Variants in MLLT1 observed in about 807,000 individuals in gnomAD.
The protein encoded by MLLT1 is MLLT1 super elongation complex subunit, also known as protein ENL.
MLLT1 carries 11 observed loss-of-function variants against 55.1 expected under a neutral mutation model. That is an observed-to-expected ratio of 0.20 (90% CI 0.13 to 0.33). MLLT1 has a LOEUF of 0.33. MLLT1 is among the 10% of genes least tolerant of loss of function. MLLT1 has a pLI of 1.00. For missense variants in MLLT1, 536 were observed against 760.6 expected (o/e 0.70, Z 3.47); for synonymous variants, 323 against 320.1 (o/e 1.01, Z -0.10).
chr19:6,223,369 G>C (rs1020475592), intron 5 of MLLT1, among the ~76,000 whole-genome samples: 2 of 152,214 alleles, frequency 1.3e-5, no homozygotes, highest in African/African-American at 4.8e-5. Context: ...AAAACACCGA[G>C]GACATTCCTA....
Position 6,227,240 on chromosome 19 carries a change from G to T in MLLT1, c.421-138C>A. 1 of 873,212 alleles carries T rather than the reference G, an allele frequency of 1.1e-6. No individual in the cohort carries two copies. The highest frequency in any genetic ancestry group is 1.9e-5 in the South Asian group (1 of 51,734). The allele number at this position is 873,212 out of a possible 1,614,324, so 54.1% of individuals were successfully genotyped here. A position where few individuals can be genotyped will look rare whatever the true frequency, so the allele number is the denominator to read the frequency against. On this transcript the variant is annotated intron_variant, in intron 4 of 11. Coordinates refer to ENST00000252674, the MANE Select transcript of MLLT1 (RefSeq NM_005934.4). This position sits in a 1 kb window ranked among gnomAD's most constrained non-coding sequence, Gnocchi z 5.1. ...GAGCGCTTTCCCGAAAGAATCCCAG[G>T]TGCTTCCCTGCTGGGGACTGGGTGC...
At chr19:6,265,049 C>CAAA (rs2091336941) in intron 2 of MLLT1, among the ~76,000 whole-genome samples, 1 of 23,302 alleles carries the variant, frequency 4.3e-5, no homozygotes, top group Non-Finnish European at 1.2e-4. Context: ...AAAAAAAAAA[C>CAAA]AAAAAAACAA....
intron 2 of MLLT1, among the ~76,000 whole-genome samples, chr19:6,268,987 G>A (rs1039595977): frequency 2.8e-4 from 42 of 152,334 alleles, no homozygotes; most frequent in Admixed American, 1.1e-3. Context: ...ATCAGCGTCC[G>A]GGGCCCATCC....
chr19:6,263,748 T>C (rs2091324180), intron 2 of MLLT1, among the ~76,000 whole-genome samples: 1 of 152,058 alleles, frequency 6.6e-6, no homozygotes, highest in East Asian at 1.9e-4. Context: ...CCTGCCAGTT[T>C]CTGAAAGGCA....
rs886621819 is a variant in MLLT1, at chr19:6,227,560, C to A, written c.421-458G>T. Among the ~76,000 whole-genome samples, 1 of 152,354 alleles carries A rather than the reference C, an allele frequency of 6.6e-6. No homozygotes were observed. The highest frequency in any genetic ancestry group is 2.1e-4 in the South Asian group (1 of 4,830). ...ATGGGTGCAACTCCAGTGGGTCCCA[C>A]GTGCCCGGAGAATGAGCCGTCCTTG... On this transcript the variant is annotated intron_variant, in intron 4 of 11. Transcript: ENST00000252674. The surrounding 1 kb of genome is among the most constrained non-coding windows in gnomAD (Gnocchi z 5.1).
rs953906328 is a variant in MLLT1 at position 6,219,890 on chromosome 19, G to A, written c.1111-1849C>T. Among the ~76,000 whole-genome samples, 4 of 152,224 alleles carry A rather than the reference G, an allele frequency of 2.6e-5. No individual in the cohort carries two copies. The highest frequency in any genetic ancestry group is 5.9e-5 in the Non-Finnish European group (4 of 68,036). On this transcript the variant is annotated intron_variant, in intron 6 of 11. Transcript: ENST00000252674. The surrounding 1 kb of genome is among the most constrained non-coding windows in gnomAD (Gnocchi z 4.5). ...AGGCACACGCATCCCCTTTCCTTCC[G>A]CCCAAATCCAAGGGGCAGGGAGGAA...
Position 6,218,045 on chromosome 19 carries a change from C to T in MLLT1, c.1111-4G>A, listed in dbSNP as rs2090862569. On this transcript the variant is annotated splice_polypyrimidine_tract_variant and splice_region_variant and intron_variant, in intron 6 of 11. Transcript: ENST00000252674. The stretch of plus-strand genomic sequence containing the variant: ...TGGACGGGCTTGACTGGGCAGACTT[C>T]ACCCAATGGTGGGATGGGCAGGGAG... 3.1e-6 allele frequency: 5 copies of T among 1,606,762 alleles called. No individual in the cohort carries two copies. Among genetic ancestry groups the T allele is most frequent in the Middle Eastern group, 1.7e-4 (1 of 6,034 alleles).
chr19:6,223,391 C>T (rs1001014816), intron 5 of MLLT1, among the ~76,000 whole-genome samples: 2 of 152,186 alleles, frequency 1.3e-5, no homozygotes, highest in Non-Finnish European at 2.9e-5. Context: ...GTCTCTGCCT[C>T]GGAAACCCCG....
intron 6 of MLLT1, 47 bp from the exon 7 acceptor site, chr19:6,218,088 G>A (rs768653927): frequency 6.4e-7 from 1 of 1,557,728 alleles, no homozygotes; most frequent in Non-Finnish European, 8.7e-7. Context: ...AGGGAGAGCT[G>A]TCACCTTTCA....
chr19:6,261,725 C>G (rs886657053), intron 3 of MLLT1, among the ~76,000 whole-genome samples: 1 of 152,038 alleles, frequency 6.6e-6, no homozygotes, highest in African/African-American at 2.4e-5. Flanking sequence ...AGATGACCCG[C>G]GCCAACATTC....
chr19:6,248,518 T>C (rs1410036215), intron 3 of MLLT1, among the ~76,000 whole-genome samples: 1 of 152,182 alleles, frequency 6.6e-6, no homozygotes, highest in East Asian at 1.9e-4. Context: ...CCTAATATGA[T>C]GGAAGAGGAA....
In MLLT1 at chr19:6,224,717, TTTTG is replaced by T. The variant is rs558230531; in HGVS notation, c.547-2037_547-2034del. On this transcript the variant is annotated intron_variant, in intron 5 of 11. Coordinates refer to ENST00000252674, the MANE Select transcript of MLLT1 (RefSeq NM_005934.4). ...GTTCTGAAATTAGGCACTACGATTT[TTTTG>T]TTTGTTTGTTTGTTTGCTTTTGTTT... Among the ~76,000 whole-genome samples the T allele has an allele frequency of 4.9e-3, 745 of 152,264 alleles. 2 individuals are homozygous for T. The highest frequency in any genetic ancestry group is 0.012 in the South Asian group (56 of 4,816).
intron 1 of MLLT1, among the ~76,000 whole-genome samples, chr19:6,276,803 A>G (rs2091430438): frequency 6.6e-6 from 1 of 152,202 alleles, no homozygotes; most frequent in South Asian, 2.1e-4. Flanking sequence ...CGGAGGGGGA[A>G]TCAAACATGC....
Position 6,230,660 on chromosome 19 carries a change from G to A in MLLT1, c.330C>T (p.Gly110=). The A allele has an allele frequency of 1.2e-6, 2 of 1,614,122 alleles. No homozygotes were observed. The highest frequency in any genetic ancestry group is 1.7e-6 in the Non-Finnish European group (2 of 1,180,038). The change falls in exon 4 of 12, where the codon GGC becomes GGT. Residue 110 remains glycine, a synonymous_variant. Transcript: ENST00000252674. The surrounding 1 kb of genome is among the most constrained non-coding windows in gnomAD (Gnocchi z 9.0). ...FTYDLFLNLE[G]NPPVNHLRCE... ...AGCGCAGGTGGTTCACGGGCGGGTT[G>A]CCTTCCAGGTTCAGGAACAGGTCGT...
chr19:6,240,610 C>T lies in MLLT1; in HGVS notation c.277-9897G>A, dbSNP rs1216207640. 1.3e-5 allele frequency among the ~76,000 whole-genome samples: 2 copies of T among 152,164 alleles called. No individual in the cohort carries two copies. Among genetic ancestry groups the T allele is most frequent in the East Asian group, 1.9e-4 (1 of 5,200 alleles). On this transcript the variant is annotated intron_variant, in intron 3 of 11. Transcript: ENST00000252674. The surrounding 1 kb of genome is among the most constrained non-coding windows in gnomAD (Gnocchi z 4.7). ...ACCGTTGGGAGAAGAAAGCAAACCA[C>T]GAGACTGAGAGCACCACGGAACCCT...
chr19:6,263,089 C>G (rs1391205625), intron 2 of MLLT1: 2 of 152,236 alleles, frequency 1.3e-5, no homozygotes, highest in African/African-American at 4.8e-5. Context: ...GAAGCTGAAG[C>G]AGGAGAATCG....
intron 1 of MLLT1, among the ~76,000 whole-genome samples, chr19:6,279,144 A>C (rs1266434352): frequency 6.6e-6 from 1 of 151,836 alleles, no homozygotes; most frequent in Non-Finnish European, 1.5e-5. Flanking sequence ...AGGAAGAGAG[A>C]CGCCGCAGAG....
chr19:6,260,653 T>C (rs1600211568), intron 3 of MLLT1, among the ~76,000 whole-genome samples: 1 of 152,232 alleles, frequency 6.6e-6, no homozygotes, highest in Non-Finnish European at 1.5e-5. Flanking sequence ...CTGAAGGCCG[T>C]GTCAGGGACC....
At chr19:6,242,159 G>A (rs924113911) in intron 3 of MLLT1, among the ~76,000 whole-genome samples, 2 of 152,228 alleles carry the variant, frequency 1.3e-5, no homozygotes, top group South Asian at 2.1e-4. Flanking sequence ...CAAACTGAGC[G>A]CACGCAGGGG....
Sources: gnomAD v4.1 joint callset for allele counts (sites outside exome capture counted in the v4.1 genomes callset) on GRCh38, gnomAD v4.1.1 for gene constraint, Gnocchi (gnomAD v3.1) non-coding constraint, MANE v1.5 for transcripts, NCBI Gene and HGNC (gene_info 2026-07-23, HGNC 2026-07-21) for gene names.